ATP10B: variants seen among roughly 807,000 people sequenced by gnomAD.
ATP10B encodes the protein ATPase phospholipid transporting 10B (putative).
ATP10B carries 122 observed loss-of-function variants against 141.2 expected under a neutral mutation model. The ratio of observed to expected loss-of-function variants is 0.86; its 90% CI spans 0.75 to 1.00. The LOEUF (loss-of-function observed/expected upper bound fraction) is 1.00. Ranked by LOEUF, ATP10B falls within the 50% of genes least tolerant of loss-of-function variation. The pLI is 0.00. For synonymous variants in ATP10B, 685 were observed against 692.0 expected (o/e 0.99, Z 0.16); for missense variants, 1,876 against 1,825.3 (o/e 1.03, Z -0.51).
intron 8 of ATP10B, among the ~76,000 whole-genome samples, chr5:160,646,114 T>C (rs1032629851): frequency 6.6e-6 from 1 of 152,072 alleles, no homozygotes; most frequent in Non-Finnish European, 1.5e-5. Flanking sequence ...GTGGCTGAGA[T>C]TTTTCCAAGG....
At chr5:160,650,747 T>C (rs1760673503) in intron 7 of ATP10B, among the ~76,000 whole-genome samples, 1 of 152,228 alleles carries the variant, frequency 6.6e-6, no homozygotes, top group Non-Finnish European at 1.5e-5. Flanking sequence ...CGTAGGCATA[T>C]AGCTTAGAAG....
the ATP10B span, among the ~76,000 whole-genome samples, chr5:160,902,168 T>G: frequency 6.6e-6 from 1 of 152,154 alleles, no homozygotes; most frequent in African/African-American, 2.4e-5. Context: ...AACCAAATGG[T>G]AGTTTTATAG....
intron 24 of ATP10B, 55 bp from the exon 25 acceptor site, chr5:160,569,738 G>T: frequency 7.2e-7 from 1 of 1,380,062 alleles, no homozygotes; most frequent in South Asian, 1.6e-5. Flanking sequence ...TTAGGAGGCA[G>T]GGTGATCAAA....
chr5:160,818,065 A>T (rs1388840847), intron 1 of ATP10B, among the ~76,000 whole-genome samples: 2 of 152,190 alleles, frequency 1.3e-5, no homozygotes, highest in African/African-American at 2.4e-5. Context: ...AACCTAGGCA[A>T]TACCATTCAG....
the ATP10B span, among the ~76,000 whole-genome samples, chr5:160,867,922 G>T: frequency 6.6e-6 from 1 of 152,028 alleles, no homozygotes; most frequent in African/African-American, 2.4e-5. Flanking sequence ...CAGATAGAAG[G>T]GATGGATTTT....
At chr5:160,888,625 C>T in the ATP10B span, among the ~76,000 whole-genome samples, 1 of 152,184 alleles carries the variant, frequency 6.6e-6, no homozygotes, top group African/African-American at 2.4e-5. Context: ...AGGCAAGCAG[C>T]AAAACATTCA....
In ATP10B at chr5:160,763,345, G is replaced by A. The variant is rs1478566983; in HGVS notation, c.-331+22214C>T. ...AAGTCTCAATAAATTTAAGCAACTC[G>A]AAATAATATCAAGTACTCTCTCAGA... On this transcript the variant is annotated intron_variant, in intron 2 of 25. Coordinates refer to ENST00000327245, the MANE Select transcript of ATP10B (RefSeq NM_025153.3). Among the ~76,000 whole-genome samples, 6 of 151,958 alleles carry A rather than the reference G, an allele frequency of 3.9e-5. No individual in the cohort carries two copies. In the South Asian group the frequency reaches 6.2e-4, roughly 16 times the overall value.
intron 2 of ATP10B, among the ~76,000 whole-genome samples, chr5:160,755,019 T>C (rs1023728618): frequency 2.0e-5 from 3 of 152,232 alleles, no homozygotes; most frequent in Non-Finnish European, 4.4e-5. Context: ...ATATCTGTAT[T>C]AGTCTGTTTT....
chr5:160,726,177 C>A (rs551067487), intron 2 of ATP10B, among the ~76,000 whole-genome samples: 1 of 152,210 alleles, frequency 6.6e-6, no homozygotes, highest in South Asian at 2.1e-4. Context: ...CAATGTCACT[C>A]TGGGGTGCTT....
In ATP10B at chr5:160,704,916, T is replaced by TTTTTTTTTTTTTTTC. The variant is rs1764901820; in HGVS notation, c.-205+11992_-205+11993insGAAAAAAAAAAAAAA. 3.2e-5 allele frequency among the ~76,000 whole-genome samples: 4 copies of TTTTTTTTTTTTTTTC among 123,100 alleles called. 1 individual carries two copies. Among genetic ancestry groups the TTTTTTTTTTTTTTTC allele is most frequent in the Admixed American group, 7.8e-5 (1 of 12,812 alleles). The allele number at this position is 123,100 out of a possible 152,430, so 80.8% of individuals were successfully genotyped here. Reference sequence around the variant, plus strand: ...CTAGCTTCCAACATTTCTTTCATCTTTTTTTTTTTTTTTTTTTTTGTTGAG... The same window carrying TTTTTTTTTTTTTTTC: ...CTAGCTTCCAACATTTCTTTCATCTTTTTTTTTTTTTTTTCTTTTTTTTTTTTTTTTTTTGTTGAG... On this transcript the variant is annotated intron_variant, in intron 3 of 25. Transcript: ENST00000327245.
chr5:160,907,762 A>G, the ATP10B span, among the ~76,000 whole-genome samples: 4 of 152,350 alleles, frequency 2.6e-5, no homozygotes, highest in Non-Finnish European at 5.9e-5. Flanking sequence ...CTCCAATGTC[A>G]GCAGCAAAAA....
rs143551018 is a variant in ATP10B, at chr5:160,785,429, GTTCTGTT to G, written c.-331+123_-331+129del. 1,717 of 329,242 alleles carry G rather than the reference GTTCTGTT, an allele frequency of 5.2e-3. 26 individuals are homozygous for G. The highest frequency in any genetic ancestry group is 0.036 in the African/African-American group (1,610 of 45,348). 20.4% of individuals were successfully genotyped at this position (329,242 alleles called of 1,614,324 possible). A position where few individuals can be genotyped will look rare whatever the true frequency, so the allele number is the denominator to read the frequency against. Reference sequence around the variant, plus strand: ...AAGAGATAGCGGTGGTGTTTTTTTTGTTCTGTTTTGTTTTGTTTTTTTAATTTAGACT... The same window carrying G: ...AAGAGATAGCGGTGGTGTTTTTTTTGTTGTTTTGTTTTTTTAATTTAGACT... On this transcript the variant is annotated intron_variant, in intron 2 of 25. Transcript: ENST00000327245.
intron 1 of ATP10B, among the ~76,000 whole-genome samples, chr5:160,794,145 G>A (rs1340661382): frequency 6.6e-6 from 1 of 152,122 alleles, no homozygotes; most frequent in Non-Finnish European, 1.5e-5. Flanking sequence ...TTTTTGAGGA[G>A]CTAATATGTC....
At chr5:160,681,466 C>G (rs1207168739) in intron 6 of ATP10B, among the ~76,000 whole-genome samples, 1 of 152,226 alleles carries the variant, frequency 6.6e-6, no homozygotes, top group Non-Finnish European at 1.5e-5. Flanking sequence ...TACCCTCTCT[C>G]TGTCCCTTGA....
the ATP10B span, among the ~76,000 whole-genome samples, chr5:160,870,887 G>A: frequency 5.5e-5 from 8 of 144,852 alleles, no homozygotes; most frequent in Non-Finnish European, 9.2e-5. Flanking sequence ...AATTACATCT[G>A]ACTTTTCCTC....
At chr5:160,667,203 G>A (rs921100191) in intron 7 of ATP10B, among the ~76,000 whole-genome samples, 1 of 152,116 alleles carries the variant, frequency 6.6e-6, no homozygotes, top group Non-Finnish European at 1.5e-5. Context: ...GGGCGACAGA[G>A]CAAGACTCTG....
intron 2 of ATP10B, among the ~76,000 whole-genome samples, chr5:160,774,115 CT>C (rs1380612931): frequency 6.6e-6 from 1 of 152,138 alleles, no homozygotes; most frequent in Non-Finnish European, 1.5e-5. Context: ...ATGATGTTTT[CT>C]TCTGCTGTGG....
At chr5:160,762,662 CCA>C (rs1254719114) in intron 2 of ATP10B, among the ~76,000 whole-genome samples, 1 of 147,944 alleles carries the variant, frequency 6.8e-6, no homozygotes, top group Non-Finnish European at 1.5e-5. Flanking sequence ...AAAAAAAAAC[CCA>C]CAAAGTATTC....
At chr5:160,919,205 C>G in the ATP10B span, among the ~76,000 whole-genome samples, 1 of 85,380 alleles carries the variant, frequency 1.2e-5, no homozygotes, top group East Asian at 3.2e-4. Flanking sequence ...GCCTGGGCGA[C>G]AGAGCGAAAC....
Sources: allele counts gnomAD v4.1 joint callset (sites outside exome capture counted in the v4.1 genomes callset), GRCh38; gene constraint gnomAD v4.1.1; transcripts MANE v1.5; gene names NCBI Gene and HGNC (gene_info 2026-07-23, HGNC 2026-07-21).